LRRK2: variants seen among roughly 807,000 people sequenced by gnomAD.
LRRK2 encodes leucine rich repeat kinase 2.
LRRK2 carries 203 observed loss-of-function variants against 302.6 expected under a neutral mutation model. The ratio of observed to expected loss-of-function variants is 0.67; its 90% CI spans 0.60 to 0.75. LRRK2 has a LOEUF of 0.75. Among genes scored for constraint, LRRK2 ranks in the 30% least tolerant of loss-of-function variants. The pLI, the probability that LRRK2 is intolerant of heterozygous loss-of-function variation, is 0.00. For synonymous variants in LRRK2, 1,066 were observed against 1,031.9 expected (o/e 1.03, Z -0.63); for missense variants, 2,830 against 2,951.0 (o/e 0.96, Z 0.95).
At chr12:40,282,349 C>T (rs955052156) in intron 18 of LRRK2, among the ~76,000 whole-genome samples, 5 of 151,824 alleles carry the variant, frequency 3.3e-5, no homozygotes, top group South Asian at 2.1e-4. Context: ...TAATGTAAAG[C>T]CCTTTGCATT....
intron 39 of LRRK2, among the ~76,000 whole-genome samples, chr12:40,329,655 A>G (rs960208710): frequency 1.3e-5 from 2 of 152,262 alleles, no homozygotes; most frequent in South Asian, 2.1e-4. Flanking sequence ...TCAAAGTCAA[A>G]TGGATTCTCT....
At chr12:40,269,543 A>G (rs370365660) in intron 14 of LRRK2, among the ~76,000 whole-genome samples, 4 of 152,308 alleles carry the variant, frequency 2.6e-5, no homozygotes, top group African/African-American at 9.6e-5. Flanking sequence ...AGCATGAGCA[A>G]TAATGGAACT....
intron 46 of LRRK2, among the ~76,000 whole-genome samples, chr12:40,358,732 GA>G (rs1284713328): frequency 4.2e-4 from 17 of 40,376 alleles, no homozygotes. Flanking sequence ...TCAAGTTTTA[GA>G]AATTTTTTTT....
At chr12:40,260,840 G>A (rs1282511978) in intron 13 of LRRK2, among the ~76,000 whole-genome samples, 2 of 152,100 alleles carry the variant, frequency 1.3e-5, no homozygotes, top group African/African-American at 4.8e-5. Context: ...GTGACATCGT[G>A]ATCCCTAAGT....
chr12:40,251,648 T>C, intron 10 of LRRK2, 104 bp downstream of exon 10: 1 of 1,030,878 alleles, frequency 9.7e-7, no homozygotes, highest in Non-Finnish European at 1.4e-6. Context: ...ATATTTTTGA[T>C]ATAGGCATTT....
intron 44 of LRRK2, among the ~76,000 whole-genome samples, chr12:40,353,422 A>C (rs561345315): frequency 1.4e-5 from 2 of 145,830 alleles, no homozygotes; most frequent in Non-Finnish European, 3.0e-5. Flanking sequence ...ATCTCAGACA[A>C]TGGGCGGCCG....
At chr12:40,360,465 C>G (rs1438896988) in intron 47 of LRRK2, among the ~76,000 whole-genome samples, 1 of 152,072 alleles carries the variant, frequency 6.6e-6, no homozygotes, top group East Asian at 1.9e-4. Flanking sequence ...GTACTTCTCA[C>G]TGTTCTCAGT....
In LRRK2 at chr12:40,308,602, A is replaced by G. The variant is rs1028011221; in HGVS notation, c.4095A>G (p.Gln1365=). 1.9e-6 allele frequency: 3 copies of G among 1,614,070 alleles called. No homozygotes were observed. The highest frequency in any genetic ancestry group is 2.5e-6 in the Non-Finnish European group (3 of 1,179,968). ...MKTKKSDLGM[Q]SATVGIDVKD... is the part of the protein sequence containing the mutation. ...CCAAGAAATCAGATCTTGGAATGCA[A>G]AGTGCCACAGTTGGCATAGATGTGA... The change falls in exon 29 of 51, where the codon CAA becomes CAG. Residue 1365 remains glutamine (Q), a synonymous_variant. Transcript: ENST00000298910.
chr12:40,313,972 A>G lies in LRRK2; in HGVS notation c.4537A>G (p.Ile1513Val). The change falls in exon 32 of 51, where the codon ATC (isoleucine) becomes GTC (valine). Residue 1513 changes from isoleucine (I) to valine (V), a missense_variant and splice_region_variant. Coordinates refer to ENST00000298910, the MANE Select transcript of LRRK2 (RefSeq NM_198578.4). Reference sequence around the variant, plus strand: ...CGGCTTGTCATTTGTAATTTCATAGATCCGAGATCAGCTTGTTGTTGGACA... The same window carrying G: ...CGGCTTGTCATTTGTAATTTCATAGGTCCGAGATCAGCTTGTTGTTGGACA... Reference protein sequence around the residue: ...TIINESLNFKIRDQLVVGQLI... With the variant: ...TIINESLNFKVRDQLVVGQLI... The G allele has an allele frequency of 6.2e-7, 1 of 1,610,466 alleles. No individual in the cohort carries two copies. Among genetic ancestry groups the G allele is most frequent in the Non-Finnish European group, 8.5e-7 (1 of 1,178,350 alleles).
At chr12:40,311,429 C>T (rs1404858431) in intron 31 of LRRK2, among the ~76,000 whole-genome samples, 1 of 152,022 alleles carries the variant, frequency 6.6e-6, no homozygotes, top group Non-Finnish European at 1.5e-5. Context: ...CTGAAAAATA[C>T]CCTTGATAGT....
intron 43 of LRRK2, 107 bp downstream of exon 43, chr12:40,348,616 A>G: frequency 1.3e-6 from 1 of 775,658 alleles, no homozygotes. Context: ...ACACAGAGAC[A>G]GAATTAAAAA....
chr12:40,253,014 A>C lies in LRRK2; in HGVS notation c.1286A>C (p.Asn429Thr), dbSNP rs1385192034. ...ANALSTLLEQNVNFRKILLSK... is the reference protein window; with the variant it reads ...ANALSTLLEQTVNFRKILLSK... The stretch of plus-strand genomic sequence containing the variant: ...GCATTGTCAACTCTCTTAGAACAAA[A>C]TGGTAAGCAGTGGGCCATGTTTTCA... The change falls in exon 11 of 51, where the codon AAT (asparagine) becomes ACT (threonine). Residue 429 changes from asparagine (N) to threonine (T), a missense_variant and splice_region_variant. This residue lies in a region of LRRK2 where 2,121 missense variants were observed against 2,148.0 expected (regional missense o/e 0.99). Transcript: ENST00000298910. The C allele has an allele frequency of 6.2e-7, 1 of 1,605,496 alleles. No individual in the cohort carries two copies. The highest frequency in any genetic ancestry group is 8.5e-7 in the Non-Finnish European group (1 of 1,172,546).
rs17519804 is a variant in LRRK2 at position 40,273,810 on chromosome 12, C to T, written c.1657-773C>T. On this transcript the variant is annotated intron_variant, in intron 14 of 50. Transcript: ENST00000298910. ...CTTGTGTGTGAAAAGGCAGAGATGA[C>T]CAGAATAAGAGTTAGAGGTATGCTG... Among the ~76,000 whole-genome samples, 675 of 152,174 alleles carry T rather than the reference C, an allele frequency of 4.4e-3. 9 individuals carry two copies. Among genetic ancestry groups the T allele is most frequent in the African/African-American group, 0.015 (624 of 41,512 alleles).
chr12:40,320,224 A>G (rs766119821), intron 34 of LRRK2, 49 bp downstream of exon 34: 1 of 1,422,348 alleles, frequency 7.0e-7, no homozygotes, highest in Non-Finnish European at 9.9e-7. Flanking sequence ...TTCACTATCT[A>G]TTCTTTTAAT....
intron 25 of LRRK2, among the ~76,000 whole-genome samples, chr12:40,299,461 T>C (rs1944539019): frequency 1.3e-5 from 2 of 152,118 alleles, no homozygotes; most frequent in African/African-American, 2.4e-5. Flanking sequence ...TAAATGCATA[T>C]TGGTAAGTGA....
At chr12:40,327,896 C>T (rs752153909) in intron 38 of LRRK2, among the ~76,000 whole-genome samples, 5 of 152,098 alleles carry the variant, frequency 3.3e-5, no homozygotes, top group Non-Finnish European at 7.4e-5. Flanking sequence ...CTCAAAAAGA[C>T]TTTTTGTCTT....
At chr12:40,339,740 A>T (rs1328538966) in intron 40 of LRRK2, among the ~76,000 whole-genome samples, 1 of 152,172 alleles carries the variant, frequency 6.6e-6, no homozygotes, top group Non-Finnish European at 1.5e-5. Context: ...ATTTGTTTTC[A>T]TCCAAAAAGT....
chr12:40,338,034 T>G (rs754204350), intron 40 of LRRK2, among the ~76,000 whole-genome samples: 7 of 152,224 alleles, frequency 4.6e-5, no homozygotes, highest in Non-Finnish European at 7.3e-5. Context: ...TTGCAGACAC[T>G]CTGTGCAAGA....
At chr12:40,361,288 T>A (rs1417266679) in intron 47 of LRRK2, among the ~76,000 whole-genome samples, 1 of 152,156 alleles carries the variant, frequency 6.6e-6, no homozygotes, top group East Asian at 1.9e-4. Flanking sequence ...GATCAACTCA[T>A]TCTCATTCTG....
Sources: gnomAD v4.1 joint callset for allele counts (sites outside exome capture counted in the v4.1 genomes callset) on GRCh38, gnomAD v4.1.1 for gene constraint, gnomAD v4.1.1 regional missense constraint, MANE v1.5 for transcripts, NCBI Gene and HGNC (gene_info 2026-07-23, HGNC 2026-07-21) for gene names.